Variants in ABL1 observed in about 807,000 individuals in gnomAD.
ABL1 encodes the protein ABL proto-oncogene 1, non-receptor tyrosine kinase.
ABL1 carries 11 observed loss-of-function variants against 94.7 expected under a neutral mutation model. That is an observed-to-expected ratio of 0.12 (90% CI 0.07 to 0.19). The LOEUF is 0.19. Ranked by LOEUF, ABL1 falls within the 10% of genes least tolerant of loss-of-function variation. ABL1 has a pLI of 1.00. For synonymous variants in ABL1, 656 were observed against 622.4 expected, an observed-to-expected ratio of 1.05 and a Z score of -0.80; for missense variants, 1,082 against 1,489.4, an observed-to-expected ratio of 0.73 and a Z score of 4.50.
intron 1 of ABL1, among the ~76,000 whole-genome samples, chr9:130,754,425 G>A (rs1040964102): frequency 6.3e-5 from 9 of 143,420 alleles, no homozygotes; most frequent in Admixed American, 2.2e-4. Flanking sequence ...GGAGAATGGC[G>A]TGAACCTGGG....
chr9:130,837,320 C>T (rs1830603864), intron 1 of ABL1, among the ~76,000 whole-genome samples: 1 of 152,220 alleles, frequency 6.6e-6, no homozygotes. Context: ...TAGGCATCAT[C>T]ATCTCCACTT....
chr9:130,834,161 A>C (rs765076898), upstream of ABL1: 7 of 448,232 alleles, frequency 1.6e-5, no homozygotes, highest in Non-Finnish European at 2.7e-5. Flanking sequence ...TCCTCACAGA[A>C]TCATTACGCA....
Position 130,872,763 on chromosome 9 carries a change from C to A in ABL1, c.908-97C>A. Reference sequence around the variant, plus strand: ...GGAAGTTGGGCCCAGGACTGAGGAGCAGAGTCAGAATCCTTCAGAAGGCTT... The same window carrying A: ...GGAAGTTGGGCCCAGGACTGAGGAGAAGAGTCAGAATCCTTCAGAAGGCTT... On this transcript the variant is annotated intron_variant, in intron 5 of 10. Transcript: ENST00000318560. This position sits in a 1 kb window ranked among gnomAD's most constrained non-coding sequence, Gnocchi z 5.0. The A allele has an allele frequency of 1.5e-6, 2 of 1,298,976 alleles. No homozygotes were observed. The highest frequency in any genetic ancestry group is 2.2e-5 in the Admixed American group (1 of 46,150). The allele number at this position is 1,298,976 out of a possible 1,614,324, so 80.5% of individuals were successfully genotyped here.
intron 1 of ABL1, among the ~76,000 whole-genome samples, chr9:130,825,312 T>G (rs1180464866): frequency 1.3e-5 from 2 of 152,212 alleles, no homozygotes; most frequent in African/African-American, 4.8e-5. Flanking sequence ...AGCTGCCTTC[T>G]TCCCCCACCC....
chr9:130,774,640 A>T (rs767278282), intron 1 of ABL1, among the ~76,000 whole-genome samples: 21 of 152,246 alleles, frequency 1.4e-4, no homozygotes, highest in Non-Finnish European at 2.2e-4. Context: ...ACTGGGCAAC[A>T]TGGAGAAACC....
chr9:130,781,453 TCAG>T (rs1829755108), intron 1 of ABL1, among the ~76,000 whole-genome samples: 1 of 152,164 alleles, frequency 6.6e-6, no homozygotes, highest in Admixed American at 6.5e-5. Flanking sequence ...TTCTTGACCC[TCAG>T]TCATGTTGAC....
chr9:130,811,366 AATAC>A (rs1159375000), intron 1 of ABL1, among the ~76,000 whole-genome samples: 1 of 152,216 alleles, frequency 6.6e-6, no homozygotes, highest in Non-Finnish European at 1.5e-5. Flanking sequence ...TAAGTGGATA[AATAC>A]ATAAGATATT....
At chr9:130,810,978 T>G (rs1187175484) in intron 1 of ABL1, among the ~76,000 whole-genome samples, 1 of 152,118 alleles carries the variant, frequency 6.6e-6, no homozygotes, top group Non-Finnish European at 1.5e-5. Flanking sequence ...GGAAACAATG[T>G]AAGCCAGGTT....
In ABL1 at chr9:130,814,704, C is replaced by T. The variant is rs1830259562; in HGVS notation, c.137-39360C>T. Among the ~76,000 whole-genome samples the T allele has an allele frequency of 6.6e-6, 1 of 151,952 alleles. No individual in the cohort carries two copies. Among genetic ancestry groups the T allele is most frequent in the South Asian group, 2.1e-4 (1 of 4,816 alleles). ...CATCCTTGCTAACACGGTGAAACCC[C>T]GTCTCCACTAAAAATACAAAAAATT... is the stretch of plus-strand genomic sequence containing the variant. On this transcript the variant is annotated intron_variant, in intron 1 of 10. Coordinates refer to the ABL1 transcript ENST00000372348. This position sits in a 1 kb window ranked among gnomAD's most constrained non-coding sequence, Gnocchi z 4.4.
chr9:130,878,809 TA>T (rs1831397732), intron 8 of ABL1, among the ~76,000 whole-genome samples: 1 of 151,980 alleles, frequency 6.6e-6, no homozygotes, highest in South Asian at 2.1e-4. Context: ...GGTGTATTCC[TA>T]AATACAGATT....
At chr9:130,714,768 T>G (rs1480531389) in intron 1 of ABL1, among the ~76,000 whole-genome samples, 1 of 152,214 alleles carries the variant, frequency 6.6e-6, no homozygotes, top group Non-Finnish European at 1.5e-5. Context: ...AGTGGTTTCT[T>G]AGGGTCCCTG....
rs753259336 is a variant in ABL1, at chr9:130,854,244, G to T, written c.253+7G>T. On this transcript the variant is annotated splice_region_variant and intron_variant, in intron 2 of 10. Transcript: ENST00000318560. ...ACTCTAAGCATAACTAAAGGTAAAA[G>T]GGTTGTGGGCAGCTAGTGGTGGTTG... is the stretch of plus-strand genomic sequence containing the variant. 6.8e-6 allele frequency: 11 copies of T among 1,612,456 alleles called. No individual in the cohort carries two copies. Among genetic ancestry groups the T allele is most frequent in the Admixed American group, 3.3e-5 (2 of 59,790 alleles).
At chr9:130,746,866 A>G (rs1324946914) in intron 1 of ABL1, among the ~76,000 whole-genome samples, 2 of 152,134 alleles carry the variant, frequency 1.3e-5, no homozygotes, top group Non-Finnish European at 2.9e-5. Context: ...TTATTCTTCC[A>G]CTGTTCTGGA....
intron 1 of ABL1, among the ~76,000 whole-genome samples, chr9:130,724,076 C>G (rs1831548501): frequency 1.3e-5 from 2 of 152,042 alleles, no homozygotes; most frequent in Admixed American, 6.6e-5. Flanking sequence ...TTCCAAAGTG[C>G]TGGGATTACA....
chr9:130,721,386 A>G (rs1831512178), intron 1 of ABL1, among the ~76,000 whole-genome samples: 2 of 151,886 alleles, frequency 1.3e-5, no homozygotes, highest in Admixed American at 6.6e-5. Flanking sequence ...TCAAAAAAAC[A>G]AAACAAACAC....
rs1020961068 is a variant in ABL1 at position 130,814,094 on chromosome 9, G to C, written c.137-39970G>C. On this transcript the variant is annotated intron_variant, in intron 1 of 10. Transcript: ENST00000372348. The surrounding 1 kb of genome is among the most constrained non-coding windows in gnomAD (Gnocchi z 4.4). ...AAGGTCAGGAGATTGAGATCATCCC[G>C]GCCAACATGGTGAAACCCCGTCTCT... 6.6e-6 allele frequency among the ~76,000 whole-genome samples: 1 copy of C among 152,006 alleles called. No homozygotes were observed. Among genetic ancestry groups the C allele is most frequent in the Non-Finnish European group, 1.5e-5 (1 of 67,988 alleles).
chr9:130,854,751 G>A lies in ABL1; in HGVS notation c.254-50G>A, dbSNP rs35095038. On this transcript the variant is annotated intron_variant, in intron 2 of 10. Coordinates refer to ENST00000318560, the MANE Select transcript of ABL1 (RefSeq NM_005157.6). ...TACACAAGAATCAATGAAAAAGAAC[G>A]AAGCTGGTTTCCAAAGCTGATATGT... The A allele has an allele frequency of 9.5e-4, 1,469 of 1,546,742 alleles. 15 individuals are homozygous for A. In the African/African-American group the frequency reaches 0.018, roughly 19 times the overall value.
intron 1 of ABL1, among the ~76,000 whole-genome samples, chr9:130,755,267 C>T (rs1322042246): frequency 6.6e-6 from 1 of 152,064 alleles, no homozygotes; most frequent in Non-Finnish European, 1.5e-5. Flanking sequence ...CAGAGGACAC[C>T]AGTAGGCATC....
Position 130,880,169 on chromosome 9 carries a change from A to C in ABL1, c.1513+12A>C. 1 of 1,611,468 alleles carries C rather than the reference A, an allele frequency of 6.2e-7. No individual in the cohort carries two copies. The highest frequency in any genetic ancestry group is 8.5e-7 in the Non-Finnish European group (1 of 1,177,706). On this transcript the variant is annotated intron_variant, in intron 9 of 10. Coordinates refer to ENST00000318560, the MANE Select transcript of ABL1 (RefSeq NM_005157.6). The surrounding 1 kb of genome is among the most constrained non-coding windows in gnomAD (Gnocchi z 4.4). ...CAGTATCTCAGACGGTAAAGTACCC[A>C]TCCCGGGGTACCTGCAGTGGGGTGA...
Sources: gnomAD v4.1 joint callset for allele counts (sites outside exome capture counted in the v4.1 genomes callset) on GRCh38, gnomAD v4.1.1 for gene constraint, Gnocchi (gnomAD v3.1) non-coding constraint, MANE v1.5 for transcripts, NCBI Gene and HGNC (gene_info 2026-07-23, HGNC 2026-07-21) for gene names.